The following CELF4 variants were observed in gnomAD, a reference collection of about 807,000 sequenced individuals.
CELF4 encodes the protein CUG-BP- and ETR-3-like factor 4.
Under a neutral mutation model 59.9 loss-of-function variants are expected in CELF4, and 18 were observed. That is an observed-to-expected ratio of 0.30 (90% CI 0.21 to 0.45). The LOEUF is 0.45. Among genes scored for constraint, CELF4 ranks in the 20% least tolerant of loss-of-function variants. CELF4 has a pLI of 1.00. For synonymous variants in CELF4, 261 were observed against 267.1 expected, an observed-to-expected ratio of 0.98 and a Z score of 0.22; for missense variants, 456 against 689.0, an observed-to-expected ratio of 0.66 and a Z score of 3.79.
chr18:37,306,467 G>A (rs1023444174), intron 3 of CELF4: 7 of 152,462 alleles, frequency 4.6e-5, no homozygotes, highest in Admixed American at 3.9e-4. Context: ...CAGGACAGGG[G>A]ACACAGAATG....
chr18:37,248,488 C>G (rs921147603), intron 12 of CELF4, among the ~76,000 whole-genome samples: 1 of 152,102 alleles, frequency 6.6e-6, no homozygotes, highest in Non-Finnish European at 1.5e-5. Context: ...CTGCAGGGGG[C>G]ACAGAGGCGA....
At chr18:37,477,475 C>G (rs1569569585) in intron 2 of CELF4, among the ~76,000 whole-genome samples, 1 of 152,162 alleles carries the variant, frequency 6.6e-6, no homozygotes, top group African/African-American at 2.4e-5. Context: ...GTGACAGAAG[C>G]CTGGGTGGTT....
rs528217709 is a variant in CELF4 at position 37,318,638 on chromosome 18, C to G, written c.448+3165G>C. Among the ~76,000 whole-genome samples the G allele has an allele frequency of 3.7e-4, 54 of 145,624 alleles. 1 individual carries two copies. The East Asian group carries it at 5.8e-3, about 16-fold the overall frequency. ...TTGGCTTTCCCTACACCTCCCCCCC[C>G]CCCCACTTTCTACTGCAAGAAGAAT... is the stretch of plus-strand genomic sequence containing the variant. On this transcript the variant is annotated intron_variant, in intron 3 of 12. Transcript: ENST00000420428.
At chr18:37,448,385 C>T (rs576448022) in intron 2 of CELF4, among the ~76,000 whole-genome samples, 5 of 152,340 alleles carry the variant, frequency 3.3e-5, no homozygotes, top group Admixed American at 1.3e-4. Flanking sequence ...CTCCAGCCCA[C>T]GGCTGCACAG....
intron 2 of CELF4, among the ~76,000 whole-genome samples, chr18:37,423,064 G>GCACATACA (rs1557422717): frequency 6.6e-6 from 1 of 150,414 alleles, no homozygotes; most frequent in Non-Finnish European, 1.5e-5. Context: ...GCGCGCGCGC[G>GCACATACA]CACACACACA....
chr18:37,365,097 G>C (rs951447777), intron 2 of CELF4, among the ~76,000 whole-genome samples: 8 of 152,190 alleles, frequency 5.3e-5, no homozygotes. Context: ...AGCAGAGAAT[G>C]ATTTTACTGA....
At chr18:37,406,658 T>C (rs370131237) in intron 2 of CELF4, among the ~76,000 whole-genome samples, 8 of 152,150 alleles carry the variant, frequency 5.3e-5, no homozygotes, top group African/African-American at 1.9e-4. Flanking sequence ...GAAGAAAATA[T>C]TTTCCTGGTT....
At chr18:37,439,431 A>G (rs2099704735) in intron 2 of CELF4, among the ~76,000 whole-genome samples, 1 of 152,062 alleles carries the variant, frequency 6.6e-6, no homozygotes, top group South Asian at 2.1e-4. Context: ...GTGTGTGTGC[A>G]TGTGTGCGTC....
intron 2 of CELF4, among the ~76,000 whole-genome samples, chr18:37,346,118 C>T (rs2098248795): frequency 6.6e-6 from 1 of 152,220 alleles, no homozygotes; most frequent in Non-Finnish European, 1.5e-5. Flanking sequence ...AGGGACCAGC[C>T]TGCAGCCTCC....
intron 2 of CELF4, among the ~76,000 whole-genome samples, chr18:37,423,481 G>A (rs921913374): frequency 2.6e-5 from 4 of 152,096 alleles, no homozygotes; most frequent in Non-Finnish European, 2.9e-5. Context: ...GGTAAAAGGA[G>A]GGGCCTGAGT....
intron 3 of CELF4, among the ~76,000 whole-genome samples, chr18:37,286,908 T>TC (rs1039246445): frequency 2.0e-5 from 3 of 152,080 alleles, no homozygotes; most frequent in African/African-American, 7.2e-5. Context: ...CCTGCTGGCC[T>TC]CCCCGCGAGA....
chr18:37,504,493 C>T (rs1307143293), intron 1 of CELF4, among the ~76,000 whole-genome samples: 6 of 150,120 alleles, frequency 4.0e-5, no homozygotes, highest in Non-Finnish European at 8.9e-5. Flanking sequence ...TTGCACATTG[C>T]TTGGCTCAAT....
intron 2 of CELF4, among the ~76,000 whole-genome samples, chr18:37,369,799 ACGCTCATC>A (rs1168984110): frequency 1.3e-5 from 2 of 152,218 alleles, no homozygotes; most frequent in Non-Finnish European, 2.9e-5. Context: ...GCCAGGCCAT[ACGCTCATC>A]TCTGTGTTCA....
At chr18:37,340,229 C>G (rs2097949845) in intron 2 of CELF4, among the ~76,000 whole-genome samples, 1 of 152,248 alleles carries the variant, frequency 6.6e-6, no homozygotes, top group South Asian at 2.1e-4. Context: ...ATCCTGACCT[C>G]AGAAATGCCA....
intron 6 of CELF4, 61 bp downstream of exon 6, chr18:37,274,250 C>T: frequency 6.3e-7 from 1 of 1,592,220 alleles, no homozygotes; most frequent in South Asian, 1.1e-5. Flanking sequence ...TCATGTCCCG[C>T]TCTCTGAGGC....
intron 4 of CELF4, 37 bp from the exon 5 acceptor site, chr18:37,274,921 G>T: frequency 6.3e-7 from 1 of 1,596,768 alleles, no homozygotes. Flanking sequence ...GGACCCAGAA[G>T]CAGGGCCAGG....
intron 10 of CELF4, among the ~76,000 whole-genome samples, chr18:37,259,890 C>T (rs980250966): frequency 6.6e-6 from 1 of 152,224 alleles, no homozygotes; most frequent in South Asian, 2.1e-4. Flanking sequence ...GCGTAGGAAG[C>T]GCTGCAACTG....
At chr18:37,365,293 G>A (rs2098761057) in intron 2 of CELF4, among the ~76,000 whole-genome samples, 1 of 152,082 alleles carries the variant, frequency 6.6e-6, no homozygotes. Context: ...GCAATGGAGA[G>A]TTGATTGAGC....
chr18:37,303,326 C>A (rs976578358), intron 3 of CELF4, among the ~76,000 whole-genome samples: 5 of 152,312 alleles, frequency 3.3e-5, no homozygotes, highest in African/African-American at 4.8e-5. Flanking sequence ...GAAATCCTGG[C>A]AGAGGTCTCC....
Sources: gnomAD v4.1 joint callset for allele counts (sites outside exome capture counted in the v4.1 genomes callset) on GRCh38, gnomAD v4.1.1 for gene constraint, MANE v1.5 for transcripts, NCBI Gene and HGNC (gene_info 2026-07-23, HGNC 2026-07-21) for gene names.